Variants in TMTC1 observed in about 807,000 individuals in gnomAD.
The protein encoded by TMTC1 is protein O-mannosyl-transferase TMTC1.
TMTC1 carries 73 observed loss-of-function variants against 104.8 expected under a neutral mutation model. That is an observed-to-expected ratio of 0.70 (90% CI 0.58 to 0.85). The LOEUF (loss-of-function observed/expected upper bound fraction) is 0.85, where lower values mean the gene tolerates loss of function less well. TMTC1 is among the 40% of genes least tolerant of loss of function. The pLI, the probability that TMTC1 is intolerant of heterozygous loss-of-function variation, is 0.00. For synonymous variants in TMTC1, 434 were observed against 428.7 expected, an observed-to-expected ratio of 1.01 and a Z score of -0.15; for missense variants, 1,035 against 1,096.1, an observed-to-expected ratio of 0.94 and a Z score of 0.79.
intron 5 of TMTC1, among the ~76,000 whole-genome samples, chr12:29,689,105 A>G (rs1941185686): frequency 6.6e-6 from 1 of 152,216 alleles, no homozygotes; most frequent in Non-Finnish European, 1.5e-5. Flanking sequence ...GGCCACACAG[A>G]TGAGGGCATA....
Position 29,623,117 on chromosome 12 carries a change from A to G in TMTC1, c.1128+10030T>C, listed in dbSNP as rs1281484567. ...ATGGAAGTGGCCTGGAATAGTCTGC[A>G]ATGTGTAATGGTGTCTAACTTAACT... On this transcript the variant is annotated intron_variant, in intron 6 of 17. Coordinates refer to ENST00000539277, the MANE Select transcript of TMTC1 (RefSeq NM_001193451.2). Among the ~76,000 whole-genome samples, 4 of 152,192 alleles carry G rather than the reference A, an allele frequency of 2.6e-5. No homozygotes were observed. In the East Asian group the frequency reaches 7.7e-4, roughly 29 times the overall value.
intron 6 of TMTC1, among the ~76,000 whole-genome samples, chr12:29,613,577 G>C (rs1946901904): frequency 6.6e-6 from 1 of 152,190 alleles, no homozygotes; most frequent in Non-Finnish European, 1.5e-5. Flanking sequence ...AGAGATAGGA[G>C]CGCTTAATCA....
chr12:29,531,651 C>T (rs778701052), intron 11 of TMTC1, among the ~76,000 whole-genome samples: 2 of 152,154 alleles, frequency 1.3e-5, no homozygotes, highest in African/African-American at 2.4e-5. Flanking sequence ...CCAGCCAGTT[C>T]TGAATGCTGA....
At chr12:29,717,590 CTTAACAATTTAGT>C (rs1197491538) in intron 5 of TMTC1, among the ~76,000 whole-genome samples, 1 of 152,194 alleles carries the variant, frequency 6.6e-6, no homozygotes, top group Non-Finnish European at 1.5e-5. Context: ...TAATCATTAG[CTTAACAATTTAGT>C]TTAACAAATT....
chr12:29,747,495 A>G (rs1334090938), intron 5 of TMTC1, among the ~76,000 whole-genome samples: 1 of 152,206 alleles, frequency 6.6e-6, no homozygotes, highest in Non-Finnish European at 1.5e-5. Context: ...GTATTAGATA[A>G]CTTCTGAAAA....
At chr12:29,570,603 G>T (rs1442186012) in intron 9 of TMTC1, among the ~76,000 whole-genome samples, 21 of 152,092 alleles carry the variant, frequency 1.4e-4, no homozygotes, top group Admixed American at 1.4e-3. Flanking sequence ...CAGCACTTTG[G>T]GAGGCTGAGG....
chr12:29,659,176 C>G lies in TMTC1; in HGVS notation c.939-25840G>C, dbSNP rs151267033. Reference sequence around the variant, plus strand: ...TCTGCACAATTCTCTGCACACTGTTCTGTAACATTCACCATATGTATCAAT... The same window carrying G: ...TCTGCACAATTCTCTGCACACTGTTGTGTAACATTCACCATATGTATCAAT... On this transcript the variant is annotated intron_variant, in intron 5 of 17. Transcript: ENST00000539277. Among the ~76,000 whole-genome samples the G allele has an allele frequency of 6.6e-5, 10 of 152,320 alleles. No individual in the cohort carries two copies. In the East Asian group the frequency reaches 1.7e-3, roughly 26 times the overall value.
intron 2 of TMTC1, among the ~76,000 whole-genome samples, chr12:29,760,944 G>T (rs1943332082): frequency 6.8e-6 from 1 of 146,526 alleles, no homozygotes; most frequent in Admixed American, 6.8e-5. Flanking sequence ...TTCTGCATTT[G>T]CATATATATA....
At chr12:29,586,224 G>C (rs1946129418) in intron 7 of TMTC1, among the ~76,000 whole-genome samples, 1 of 152,110 alleles carries the variant, frequency 6.6e-6, no homozygotes, top group Non-Finnish European at 1.5e-5. Flanking sequence ...GTTCACTCAT[G>C]ATTTGGCTCT....
chr12:29,660,979 C>T (rs1439874220), intron 5 of TMTC1: 2 of 591,548 alleles, frequency 3.4e-6, no homozygotes, highest in East Asian at 4.2e-5. Context: ...CTGAAGAAGG[C>T]TGCAGAGAAC....
intron 5 of TMTC1, among the ~76,000 whole-genome samples, chr12:29,643,631 TATATATA>T (rs1381813376): frequency 4.7e-5 from 1 of 21,470 alleles, no homozygotes; most frequent in Non-Finnish European, 7.8e-5. Context: ...CTATATATTA[TATATATA>T]ATATATATGT....
chr12:29,533,318 G>T (rs1226844195), intron 11 of TMTC1: 1 of 152,188 alleles, frequency 6.6e-6, no homozygotes, highest in Non-Finnish European at 1.5e-5. Context: ...ATTAGTTTCC[G>T]ACAAATCCTA....
chr12:29,722,747 C>A (rs1415641765), intron 5 of TMTC1, among the ~76,000 whole-genome samples: 4 of 151,772 alleles, frequency 2.6e-5, no homozygotes, highest in African/African-American at 9.7e-5. Flanking sequence ...TGGAGAAACC[C>A]CATCTCTACT....
Position 29,639,068 on chromosome 12 carries a change from A to G in TMTC1, c.939-5732T>C, listed in dbSNP as rs150077623. Among the ~76,000 whole-genome samples the G allele has an allele frequency of 1.2e-4, 19 of 152,316 alleles. No individual in the cohort carries two copies. The East Asian group carries it at 3.7e-3, about 29-fold the overall frequency. ...ACTACCCTCCTCAATACACAGGGAA[A>G]CTTCACTTGAATTCATTAAACATTG... On this transcript the variant is annotated intron_variant, in intron 5 of 17. Coordinates refer to ENST00000539277, the MANE Select transcript of TMTC1 (RefSeq NM_001193451.2).
chr12:29,698,975 A>G (rs1424570217), intron 5 of TMTC1, among the ~76,000 whole-genome samples: 1 of 152,194 alleles, frequency 6.6e-6, no homozygotes, highest in Admixed American at 6.6e-5. Context: ...GGGAAACAGA[A>G]TTTTGACTTT....
chr12:29,719,681 G>T (rs953504565), intron 5 of TMTC1, among the ~76,000 whole-genome samples: 1 of 152,156 alleles, frequency 6.6e-6, no homozygotes, highest in Non-Finnish European at 1.5e-5. Flanking sequence ...TGCAATGCCT[G>T]CAAGGCCACG....
chr12:29,640,631 C>T (rs1455569006), intron 5 of TMTC1: 3 of 152,222 alleles, frequency 2.0e-5, no homozygotes, highest in Non-Finnish European at 4.4e-5. Context: ...GCCCTGGGAG[C>T]TCGCGGGCTC....
chr12:29,645,354 C>A (rs1212171245), intron 5 of TMTC1, among the ~76,000 whole-genome samples: 4 of 152,132 alleles, frequency 2.6e-5, no homozygotes, highest in African/African-American at 9.7e-5. Flanking sequence ...TCAGAAACAT[C>A]CTCCTGAAGC....
chr12:29,542,417 A>C (rs936378260), intron 10 of TMTC1, among the ~76,000 whole-genome samples: 1 of 152,230 alleles, frequency 6.6e-6, no homozygotes, highest in Non-Finnish European at 1.5e-5. Context: ...GCCCTGCAGC[A>C]TCTGGAATTT....
Sources: allele counts gnomAD v4.1 joint callset (sites outside exome capture counted in the v4.1 genomes callset), GRCh38; gene constraint gnomAD v4.1.1; transcripts MANE v1.5; gene names NCBI Gene and HGNC (gene_info 2026-07-23, HGNC 2026-07-21).